Variants in OTOGL observed in about 807,000 individuals in gnomAD.
OTOGL encodes the protein otogelin-like protein.
A neutral mutation model predicts 318.5 loss-of-function variants in OTOGL; 285 were observed. That is an observed-to-expected ratio of 0.89 (90% CI 0.81 to 0.99). The LOEUF is 0.99. Ranked by LOEUF, OTOGL falls within the 50% of genes least tolerant of loss-of-function variation. The pLI, the probability that OTOGL is intolerant of heterozygous loss-of-function variation, is 0.00. For missense variants in OTOGL, 2,899 were observed against 2,845.6 expected (o/e 1.02, Z -0.43); for synonymous variants, 987 against 936.5 (o/e 1.05, Z -0.99).
At chr12:80,131,299 C>CTCTG (rs1295355147) in intron 1 of OTOGL, among the ~76,000 whole-genome samples, 1 of 152,172 alleles carries the variant, frequency 6.6e-6, no homozygotes, top group Non-Finnish European at 1.5e-5. Context: ...TGGAAGAGAT[C>CTCTG]TCTGCTTCCA....
chr12:80,201,440 C>A (rs77166228), intron 1 of OTOGL, among the ~76,000 whole-genome samples: 6 of 152,050 alleles, frequency 3.9e-5, no homozygotes, highest in East Asian at 3.9e-4. Flanking sequence ...TGCGAGACAC[C>A]TTTTAGCAAC....
intron 1 of OTOGL, among the ~76,000 whole-genome samples, chr12:80,121,779 T>C (rs1424089918): frequency 1.3e-5 from 2 of 152,080 alleles, no homozygotes; most frequent in Non-Finnish European, 2.9e-5. Flanking sequence ...TAGTGGGAGG[T>C]TCTTCGTGGG....
intron 26 of OTOGL, among the ~76,000 whole-genome samples, chr12:80,286,507 CT>C (rs576003003): frequency 2.6e-5 from 4 of 151,960 alleles, no homozygotes; most frequent in African/African-American, 9.7e-5. Context: ...TGGTCCTGGG[CT>C]TTTTTTGGTT....
In OTOGL at chr12:80,363,550, GAGAA is replaced by G. The variant is rs1007451668; in HGVS notation, c.6268-3020_6268-3017del. Among the ~76,000 whole-genome samples the G allele has an allele frequency of 3.3e-5, 5 of 152,074 alleles. No individual in the cohort carries two copies. The East Asian group carries it at 9.7e-4, about 29-fold the overall frequency. On this transcript the variant is annotated intron_variant, in intron 52 of 58. Coordinates refer to ENST00000547103, the MANE Select transcript of OTOGL (RefSeq NM_001378609.3). The stretch of plus-strand genomic sequence containing the variant: ...GGGGGTTGGGGAGTGGGAAGAGAGA[GAGAA>G]AGAGAGAGAGAGAAATTGATTTAAA...
chr12:80,128,706 C>A (rs1871029961), intron 1 of OTOGL, among the ~76,000 whole-genome samples: 2 of 152,226 alleles, frequency 1.3e-5, no homozygotes, highest in East Asian at 3.9e-4. Flanking sequence ...AGCTTCCTGG[C>A]TGCTTTGTTT....
At chr12:80,370,710 A>T (rs1297065862) in intron 56 of OTOGL, 21 bp downstream of exon 56, 2 of 1,477,792 alleles carry the variant, frequency 1.4e-6, no homozygotes, top group African/African-American at 2.9e-5. Context: ...TGTTGTATCT[A>T]AGAAAATTTA....
chr12:80,250,238 AT>A (rs1301012541), intron 11 of OTOGL, among the ~76,000 whole-genome samples: 3 of 152,216 alleles, frequency 2.0e-5, no homozygotes, highest in African/African-American at 7.2e-5. Context: ...TAAAGTTATC[AT>A]TCAAAATGGA....
intron 47 of OTOGL, 77 bp downstream of exon 47, chr12:80,356,025 A>G (rs1592750002): frequency 7.0e-7 from 1 of 1,437,590 alleles, no homozygotes; most frequent in Non-Finnish European, 9.6e-7. Flanking sequence ...CAGAGCATAT[A>G]TAATGCTTTG....
intron 1 of OTOGL, among the ~76,000 whole-genome samples, chr12:80,165,564 G>A (rs1158052000): frequency 2.0e-5 from 3 of 152,154 alleles, no homozygotes; most frequent in African/African-American, 4.8e-5. Flanking sequence ...CTATGAAAAG[G>A]ATCAACTGAG....
Position 80,379,222 on chromosome 12 carries a change from T to A in OTOGL, c.*1174T>A, listed in dbSNP as rs1454907498. 6.6e-6 allele frequency: 1 copy of A among 152,022 alleles called. No individual in the cohort carries two copies. The highest frequency in any genetic ancestry group is 1.5e-5 in the Non-Finnish European group (1 of 67,882). The allele number at this position is 152,022 out of a possible 1,614,324, so 9.4% of individuals were successfully genotyped here. Reference sequence around the variant, plus strand: ...AATTGTCTGAATTTTCTCCTCAGTATAAAGGAGTGAATGCCCTACTTAGTG... The same window carrying A: ...AATTGTCTGAATTTTCTCCTCAGTAAAAAGGAGTGAATGCCCTACTTAGTG... On this transcript the variant is annotated 3_prime_UTR_variant, in exon 59 of 59. Transcript: ENST00000547103.
At chr12:80,198,062 C>A (rs1473270837) in intron 1 of OTOGL, among the ~76,000 whole-genome samples, 1 of 152,036 alleles carries the variant, frequency 6.6e-6, no homozygotes, top group Non-Finnish European at 1.5e-5. Flanking sequence ...TCATCTAAAT[C>A]CCCAAGGAAG....
At chr12:80,266,707 A>C in intron 21 of OTOGL, 91 bp downstream of exon 21, 1 of 1,298,410 alleles carries the variant, frequency 7.7e-7, no homozygotes, top group Non-Finnish European at 1.0e-6. Context: ...TTTTGAAAAA[A>C]ATATTTCTTA....
intron 26 of OTOGL, among the ~76,000 whole-genome samples, chr12:80,296,462 A>G (rs2137707660): frequency 6.6e-6 from 1 of 152,330 alleles, no homozygotes; most frequent in Admixed American, 6.5e-5. Context: ...TTTAAATAAA[A>G]CAAAAGACAT....
chr12:80,368,421 A>G (rs531354773), intron 55 of OTOGL, 112 bp downstream of exon 55: 8 of 619,880 alleles, frequency 1.3e-5, no homozygotes, highest in Non-Finnish European at 2.3e-5. Flanking sequence ...CAATAAACAC[A>G]GTACACCTAC....
intron 8 of OTOGL, among the ~76,000 whole-genome samples, chr12:80,231,256 G>A (rs1285290511): frequency 6.6e-6 from 1 of 151,982 alleles, no homozygotes; most frequent in Non-Finnish European, 1.5e-5. Flanking sequence ...CTTTTACTAT[G>A]AATTCCTCAT....
At chr12:80,375,095 A>G (rs981799936) in intron 57 of OTOGL, among the ~76,000 whole-genome samples, 3 of 152,012 alleles carry the variant, frequency 2.0e-5, no homozygotes, top group Non-Finnish European at 2.9e-5. Flanking sequence ...ACGTGAAAGG[A>G]CTCGTAATGT....
intron 1 of OTOGL, among the ~76,000 whole-genome samples, chr12:80,182,510 T>A (rs1394766150): frequency 6.6e-6 from 1 of 152,202 alleles, no homozygotes; most frequent in Non-Finnish European, 1.5e-5. Flanking sequence ...ATTAAAAAAA[T>A]AATTGTAATG....
chr12:80,270,632 A>G (rs1883338514), intron 23 of OTOGL, among the ~76,000 whole-genome samples: 1 of 152,170 alleles, frequency 6.6e-6, no homozygotes. Context: ...GACCAAGATA[A>G]CATTAATACT....
At chr12:80,313,706 AG>A in intron 31 of OTOGL, 74 bp downstream of exon 31, 1 of 1,287,116 alleles carries the variant, frequency 7.8e-7, no homozygotes, top group East Asian at 2.6e-5. Flanking sequence ...GATTTAGCTT[AG>A]AAATAATGCC....
Sources: gnomAD v4.1 joint callset for allele counts (sites outside exome capture counted in the v4.1 genomes callset) on GRCh38, gnomAD v4.1.1 for gene constraint, MANE v1.5 for transcripts, NCBI Gene and HGNC (gene_info 2026-07-23, HGNC 2026-07-21) for gene names.